The following ARB2A variants were observed in gnomAD, a reference collection of about 807,000 sequenced individuals.
ARB2A encodes the protein ARB2 cotranscriptional regulator A, also known as cotranscriptional regulator ARB2A.
At chr5:94,042,372 C>T in the ARB2A span, among the ~76,000 whole-genome samples, 3 of 148,050 alleles carry the variant, frequency 2.0e-5, no homozygotes, top group South Asian at 6.4e-4. Flanking sequence ...CAGGCGCGAC[C>T]TCAGCTCACT....
At chr5:94,007,275 G>C in the ARB2A span, among the ~76,000 whole-genome samples, 1 of 152,048 alleles carries the variant, frequency 6.6e-6, no homozygotes, top group Non-Finnish European at 1.5e-5. Context: ...ATATATGCTA[G>C]CTGGTAAAGA....
At chr5:93,850,142 A>G in the ARB2A span, among the ~76,000 whole-genome samples, 1 of 152,318 alleles carries the variant, frequency 6.6e-6, no homozygotes, top group South Asian at 2.1e-4. Flanking sequence ...TAATTTTTAT[A>G]TAAGTAACCA....
the ARB2A span, chr5:93,824,023 A>C: frequency 3.0e-6 from 2 of 660,706 alleles, no homozygotes; most frequent in African/African-American, 1.9e-5. Flanking sequence ...AAAATTATTT[A>C]CTCAAAATAT....
chr5:93,762,309 A>T, the ARB2A span, among the ~76,000 whole-genome samples: 1 of 152,224 alleles, frequency 6.6e-6, no homozygotes, highest in Non-Finnish European at 1.5e-5. Flanking sequence ...TTGAAAAAAA[A>T]TTAGACGAAT....
At chr5:94,067,156 ACT>A in the ARB2A span, among the ~76,000 whole-genome samples, 6 of 152,242 alleles carry the variant, frequency 3.9e-5, no homozygotes, top group Admixed American at 2.0e-4. Context: ...TGATAAAAAC[ACT>A]CTCAACAAAG....
At chr5:94,085,392 A>C in the ARB2A span, among the ~76,000 whole-genome samples, 1 of 152,198 alleles carries the variant, frequency 6.6e-6, no homozygotes, top group Admixed American at 6.5e-5. Context: ...GAATATTGGC[A>C]AGTTCTGCAA....
the ARB2A span, among the ~76,000 whole-genome samples, chr5:93,839,772 G>T: frequency 6.6e-6 from 1 of 152,010 alleles, no homozygotes; most frequent in Non-Finnish European, 1.5e-5. Flanking sequence ...ATATGTCCAG[G>T]AATTTATCCA....
the ARB2A span, among the ~76,000 whole-genome samples, chr5:93,918,211 C>T: frequency 6.6e-6 from 1 of 152,104 alleles, no homozygotes; most frequent in Non-Finnish European, 1.5e-5. Flanking sequence ...ACCTTTCCAA[C>T]TTTTGTCAGT....
chr5:93,857,630 C>T, the ARB2A span, among the ~76,000 whole-genome samples: 1 of 152,164 alleles, frequency 6.6e-6, no homozygotes. Flanking sequence ...TATTTTAAGC[C>T]CGTCGGAAAA....
At chr5:93,974,409 T>C in the ARB2A span, among the ~76,000 whole-genome samples, 25 of 152,184 alleles carry the variant, frequency 1.6e-4, no homozygotes, top group Admixed American at 1.3e-3. Context: ...ATTCAACAAA[T>C]AAATAGGCAC....
chr5:94,055,921 C>A, the ARB2A span: 1 of 985,148 alleles, frequency 1.0e-6, no homozygotes, highest in African/African-American at 1.7e-5. Context: ...TGCAGCCTTA[C>A]ATCTATATAT....
the ARB2A span, among the ~76,000 whole-genome samples, chr5:93,821,626 A>AT: frequency 4.0e-5 from 6 of 151,412 alleles, no homozygotes; most frequent in African/African-American, 7.3e-5. Flanking sequence ...ACTGAATAAC[A>AT]TTTTTTTTCA....
the ARB2A span, among the ~76,000 whole-genome samples, chr5:93,945,609 G>A: frequency 6.6e-6 from 1 of 151,838 alleles, no homozygotes; most frequent in Non-Finnish European, 1.5e-5. Context: ...GAAAAAGTAG[G>A]CAATCTCCCA....
At chr5:93,812,019 T>C in the ARB2A span, among the ~76,000 whole-genome samples, 9 of 152,294 alleles carry the variant, frequency 5.9e-5, no homozygotes, top group African/African-American at 2.2e-4. Context: ...GGCAGAACTC[T>C]TAACACAGTA....
the ARB2A span, among the ~76,000 whole-genome samples, chr5:93,637,545 A>G: frequency 6.6e-5 from 10 of 152,106 alleles, no homozygotes; most frequent in African/African-American, 2.2e-4. Flanking sequence ...TAGTTTTTCA[A>G]GAAACTGGCC....
the ARB2A span, among the ~76,000 whole-genome samples, chr5:93,865,138 G>A: frequency 2.6e-5 from 4 of 152,218 alleles, no homozygotes; most frequent in African/African-American, 9.6e-5. Flanking sequence ...CTGGAGTGCA[G>A]TGGCGCGATC....
the ARB2A span, among the ~76,000 whole-genome samples, chr5:94,110,449 G>C: frequency 7.4e-4 from 112 of 152,270 alleles, no homozygotes; most frequent in African/African-American, 2.7e-3. Flanking sequence ...AGCAGCCATA[G>C]CCTGAAAGCA....
At chr5:93,660,386 T>G in the ARB2A span, among the ~76,000 whole-genome samples, 1 of 152,018 alleles carries the variant, frequency 6.6e-6, no homozygotes, top group African/African-American at 2.4e-5. Context: ...GAAGAAGAAA[T>G]GATTGCTGAG....
chr5:93,916,304 A>G, the ARB2A span, among the ~76,000 whole-genome samples: 1 of 152,280 alleles, frequency 6.6e-6, no homozygotes, highest in Non-Finnish European at 1.5e-5. Flanking sequence ...ACAGAAACTA[A>G]GAATTACTAT....
Sources: gnomAD v4.1 joint callset for allele counts (sites outside exome capture counted in the v4.1 genomes callset) on GRCh38, gnomAD v4.1.1 for gene constraint, MANE v1.5 for transcripts, NCBI Gene and HGNC (gene_info 2026-07-23, HGNC 2026-07-21) for gene names.